CD72: variants seen among roughly 807,000 people sequenced by gnomAD.
CD72 encodes CD72 molecule, also known as B-cell differentiation antigen CD72.
Under a neutral mutation model 50.7 loss-of-function variants are expected in CD72, and 28 were observed. The observed-to-expected ratio is 0.55, with a 90% CI of 0.41 to 0.76. CD72 has a LOEUF of 0.76. Among genes scored for constraint, CD72 ranks in the 30% least tolerant of loss-of-function variants. The probability of loss-of-function intolerance (pLI) is 0.00; values close to 1 mark genes in which losing one functional copy is unlikely to be tolerated. For missense variants in CD72, 403 were observed against 420.6 expected, an observed-to-expected ratio of 0.96 and a Z score of 0.37; for synonymous variants, 176 against 171.2, an observed-to-expected ratio of 1.03 and a Z score of -0.22.
upstream of CD72, among the ~76,000 whole-genome samples, chr9:35,624,339 G>A (rs987263901): frequency 6.6e-5 from 10 of 151,712 alleles, no homozygotes; most frequent in African/African-American, 2.4e-4. Flanking sequence ...ACAAGCCAGC[G>A]ACCTGGACAT....
At position 35,614,915 on chromosome 9, in the gene CD72, G is replaced by A. The variant is rs551629836; in HGVS notation, c.688+1028C>T. ...AGGGAGAGAAGTGTGGACAGGAGAAGCTGATGGGAAGAGAGAAAAAGGGGA... is the reference window on the plus strand; with the variant it reads ...AGGGAGAGAAGTGTGGACAGGAGAAACTGATGGGAAGAGAGAAAAAGGGGA... On this transcript the variant is annotated intron_variant, in intron 5 of 8. Transcript: ENST00000259633. 1.1e-4 allele frequency among the ~76,000 whole-genome samples: 17 copies of A among 151,702 alleles called. No individual in the cohort carries two copies. In the East Asian group the frequency reaches 2.9e-3, roughly 26 times the overall value.
At position 35,618,364 on chromosome 9, in the gene CD72, T is replaced by G; in HGVS notation, c.-61A>C. The G allele has an allele frequency of 6.2e-7, 1 of 1,608,076 alleles. No homozygotes were observed. Among genetic ancestry groups the G allele is most frequent in the Non-Finnish European group, 8.5e-7 (1 of 1,177,026 alleles). On this transcript the variant is annotated 5_prime_UTR_variant, in exon 1 of 9. Transcript: ENST00000259633. ...GTCATCCACTGTCCTCCCTTGCCCC[T>G]CTCGTCTCTGTCCGTTTACAACTAG...
At position 35,645,690 on chromosome 9, in the gene CD72, A is replaced by G. The variant is rs550923201; in HGVS notation, n.408+713T>C. Among the ~76,000 whole-genome samples, 3 of 152,364 alleles carry G rather than the reference A, an allele frequency of 2.0e-5. No individual in the cohort carries two copies. The East Asian group carries it at 5.8e-4, about 29-fold the overall frequency. On this transcript the variant is annotated intron_variant and non_coding_transcript_variant, in intron 1 of 3. Coordinates refer to the CD72 transcript ENST00000465754. ...TACATACACCTACTATGTACCCATA[A>G]AAATTAAGAATTAAAAAACACTTGG...
At chr9:35,640,651 A>AGCGGGATGGGAGTCAGCT (rs1420272737) in intron 1 of CD72, among the ~76,000 whole-genome samples, 4 of 152,254 alleles carry the variant, frequency 2.6e-5, no homozygotes, top group Admixed American at 2.6e-4. Flanking sequence ...GGGAGTCAGC[A>AGCGGGATGGGAGTCAGCT]GCAGGATGGG....
intron 1 of CD72, among the ~76,000 whole-genome samples, chr9:35,625,733 G>A (rs1242848679): frequency 6.6e-6 from 1 of 152,198 alleles, no homozygotes; most frequent in African/African-American, 2.4e-5. Context: ...TTAAGGTGAA[G>A]CCAGTGCTCA....
Position 35,618,114 on chromosome 9 carries a change from C to T in CD72, c.90G>A (p.Gly30=), listed in dbSNP as rs536507475. Residue 30 remains glycine (G), a synonymous_variant, in exon 2 of 9, where the codon GGG becomes GGA. Coordinates refer to ENST00000259633, the MANE Select transcript of CD72 (RefSeq NM_001782.3). ...SISSRLGQDP[G]ADDDGEITYE... ...AGGTGATTTCCCCATCATCATCAGC[C>T]CCTGGGTCTAGAGAGAAGAGAAAAG... 3.7e-6 allele frequency: 6 copies of T among 1,613,544 alleles called. No homozygotes were observed. Among genetic ancestry groups the T allele is most frequent in the South Asian group, 3.3e-5 (3 of 91,038 alleles).
Position 35,612,679 on chromosome 9 carries a change from G to T in CD72, c.834+169C>A, listed in dbSNP as rs114920285. ...GCCTGGACCACTGTGCTGAGAAGAT[G>T]CAGAGGTTGTTTCCAAGCTCAGAGG... On this transcript the variant is annotated intron_variant, in intron 6 of 8. Transcript: ENST00000259633. 6,124 of 646,482 alleles carry T rather than the reference G, an allele frequency of 9.5e-3. 75 individuals are homozygous for T. The highest frequency in any genetic ancestry group is 0.027 in the South Asian group (1,369 of 50,942). 40.0% of individuals were successfully genotyped at this position (646,482 alleles called of 1,614,324 possible). A position where few individuals can be genotyped will look rare whatever the true frequency, so the allele number is the denominator to read the frequency against.
At chr9:35,624,252 AT>A (rs1370464136), upstream of CD72, among the ~76,000 whole-genome samples, 12 of 146,032 alleles carry the variant, frequency 8.2e-5, no homozygotes, top group African/African-American at 2.6e-4. Context: ...AATAATAATA[AT>A]AATAATAATA....
chr9:35,620,350 G>A (rs957519489), upstream of CD72, among the ~76,000 whole-genome samples: 17 of 151,764 alleles, frequency 1.1e-4, no homozygotes, highest in Middle Eastern at 6.3e-3. Context: ...CGAACCTGTA[G>A]TCCCAGCTAC....
At chr9:35,628,540 G>A (rs1039359836) in intron 1 of CD72, among the ~76,000 whole-genome samples, 3 of 152,204 alleles carry the variant, frequency 2.0e-5, no homozygotes, top group South Asian at 2.1e-4. Context: ...CTCGCTGCTC[G>A]GCAGATACTG....
intron 1 of CD72, among the ~76,000 whole-genome samples, chr9:35,626,132 C>T (rs1243472831): frequency 6.6e-6 from 1 of 150,664 alleles, no homozygotes; most frequent in Non-Finnish European, 1.5e-5. Context: ...GAAGAGGATT[C>T]GCCATTCTAG....
chr9:35,616,488 T>C lies in CD72; in HGVS notation c.352+112A>G. ...CCTGGCTGGAAACCAAACCCAAAGC[T>C]AAGGAGGTGGTGGTAGTGACTATGA... On this transcript the variant is annotated intron_variant, in intron 4 of 8. Coordinates refer to ENST00000259633, the MANE Select transcript of CD72 (RefSeq NM_001782.3). 3 of 988,750 alleles carry C rather than the reference T, an allele frequency of 3.0e-6. No homozygotes were observed. In the South Asian group the frequency reaches 4.0e-5, roughly 13 times the overall value. 61.2% of individuals were successfully genotyped at this position (988,750 alleles called of 1,614,324 possible). A position where few individuals can be genotyped will look rare whatever the true frequency, so the allele number is the denominator to read the frequency against.
At chr9:35,611,663 G>A in intron 7 of CD72, 141 bp downstream of exon 7, 2 of 590,810 alleles carry the variant, frequency 3.4e-6, no homozygotes, top group Non-Finnish European at 6.1e-6. Context: ...TAATCAAATA[G>A]AGGAAACAGA....
At chr9:35,630,561 CTG>C (rs1823236077) in intron 1 of CD72, among the ~76,000 whole-genome samples, 2 of 152,040 alleles carry the variant, frequency 1.3e-5, no homozygotes, top group South Asian at 4.1e-4. Context: ...TAATATTTTA[CTG>C]TATAACTTTA....
At chr9:35,636,409 C>T (rs959164134) in intron 1 of CD72, among the ~76,000 whole-genome samples, 4 of 151,790 alleles carry the variant, frequency 2.6e-5, no homozygotes, top group Admixed American at 2.6e-4. Context: ...TTATAAGGAA[C>T]CAGAACAACT....
At chr9:35,643,524 T>G (rs1823358264) in intron 1 of CD72, 1 of 152,164 alleles carries the variant, frequency 6.6e-6, no homozygotes, top group South Asian at 2.1e-4. Flanking sequence ...CTTAAAGACT[T>G]GATTCCTTAC....
intron 1 of CD72, among the ~76,000 whole-genome samples, chr9:35,626,456 G>C (rs1823197866): frequency 6.6e-6 from 1 of 152,182 alleles, no homozygotes; most frequent in Admixed American, 6.5e-5. Flanking sequence ...TGACAACAAA[G>C]GATTTAGAAT....
At chr9:35,611,097 A>G (rs1822975608) in intron 7 of CD72, among the ~76,000 whole-genome samples, 1 of 152,156 alleles carries the variant, frequency 6.6e-6, no homozygotes, top group South Asian at 2.1e-4. Flanking sequence ...TAAAAATACA[A>G]AAAATTAGCC....
intron 1 of CD72, among the ~76,000 whole-genome samples, chr9:35,646,055 G>C (rs1823389344): frequency 6.6e-6 from 1 of 151,996 alleles, no homozygotes; most frequent in African/African-American, 2.4e-5. Context: ...AGCTACTCAG[G>C]AGGCTGAGGC....
Sources: allele counts gnomAD v4.1 joint callset (sites outside exome capture counted in the v4.1 genomes callset), GRCh38; gene constraint gnomAD v4.1.1; transcripts MANE v1.5; gene names NCBI Gene and HGNC (gene_info 2026-07-23, HGNC 2026-07-21).